The following AGBL1 variants were observed in gnomAD, a reference collection of about 807,000 sequenced individuals.
AGBL1 encodes the protein cytosolic carboxypeptidase 4.
In AGBL1, 130 loss-of-function variants were observed where a neutral mutation model predicts 118.9. That is an observed-to-expected ratio of 1.09 (90% CI 0.95 to 1.26). The LOEUF (loss-of-function observed/expected upper bound fraction) is 1.26. Among genes scored for constraint, AGBL1 ranks in the 50% most tolerant of loss-of-function variants. AGBL1 has a pLI of 0.00. For synonymous variants in AGBL1, 555 were observed against 478.9 expected (o/e 1.16, Z -2.08); for missense variants, 1,584 against 1,298.1 (o/e 1.22, Z -3.38).
intron 21 of AGBL1, among the ~76,000 whole-genome samples, chr15:86,570,657 G>C (rs962502898): frequency 6.6e-6 from 1 of 152,122 alleles, no homozygotes; most frequent in African/African-American, 2.4e-5. Flanking sequence ...GGATCTAGTC[G>C]GTCTTAGCGA....
At chr15:86,852,383 T>C (rs2079420112) in intron 22 of AGBL1, among the ~76,000 whole-genome samples, 1 of 152,152 alleles carries the variant, frequency 6.6e-6, no homozygotes, top group East Asian at 1.9e-4. Context: ...CTTCGACACA[T>C]GTGGATTACA....
intron 5 of AGBL1, among the ~76,000 whole-genome samples, chr15:86,161,113 G>C (rs753411667): frequency 5.3e-5 from 8 of 152,220 alleles, no homozygotes; most frequent in Non-Finnish European, 8.8e-5. Context: ...GGGAGTGAGA[G>C]TAGGGTGCTC....
chr15:86,723,849 C>A (rs1034380884), intron 22 of AGBL1, among the ~76,000 whole-genome samples: 1 of 151,902 alleles, frequency 6.6e-6, no homozygotes, highest in Non-Finnish European at 1.5e-5. Flanking sequence ...ATGCAGTGGG[C>A]GTGCTGGCAG....
chr15:86,261,340 A>G (rs1033580238), intron 9 of AGBL1, among the ~76,000 whole-genome samples: 2 of 152,132 alleles, frequency 1.3e-5, no homozygotes, highest in African/African-American at 4.8e-5. Flanking sequence ...GCAGGAATTG[A>G]TGGATGAAGC....
At chr15:86,814,102 T>TA (rs2078827863) in intron 22 of AGBL1, among the ~76,000 whole-genome samples, 1 of 152,130 alleles carries the variant, frequency 6.6e-6, no homozygotes, top group South Asian at 2.1e-4. Context: ...GTCCATGGCC[T>TA]ATTAGGAAGC....
At chr15:86,128,714 T>G (rs2076780375) in intron 1 of AGBL1, among the ~76,000 whole-genome samples, 1 of 152,238 alleles carries the variant, frequency 6.6e-6, no homozygotes. Flanking sequence ...TATCTCTTTT[T>G]CTTTGGCCAA....
intron 1 of AGBL1, among the ~76,000 whole-genome samples, chr15:86,091,825 C>A (rs1387251164): frequency 6.6e-6 from 1 of 152,116 alleles, no homozygotes. Flanking sequence ...GTACTGGACA[C>A]AATATTCTTC....
At chr15:86,973,613 G>C (rs2081133514) in intron 23 of AGBL1, among the ~76,000 whole-genome samples, 1 of 151,748 alleles carries the variant, frequency 6.6e-6, no homozygotes, top group African/African-American at 2.4e-5. Context: ...GCTAACTACT[G>C]TGAGAAGTAC....
intron 22 of AGBL1, among the ~76,000 whole-genome samples, chr15:86,802,310 G>T (rs1178273700): frequency 1.3e-5 from 2 of 150,932 alleles, no homozygotes; most frequent in South Asian, 2.1e-4. Flanking sequence ...TAATTGCATT[G>T]TAGTATTCTT....
intron 21 of AGBL1, among the ~76,000 whole-genome samples, chr15:86,569,223 G>A (rs556870145): frequency 6.6e-6 from 1 of 152,140 alleles, no homozygotes; most frequent in Admixed American, 6.5e-5. Context: ...CCTGAGTCCA[G>A]AAGTTTGAGA....
intron 10 of AGBL1, among the ~76,000 whole-genome samples, 197 bp from the exon 11 acceptor site, chr15:86,264,061 C>G (rs1201404432): frequency 6.6e-6 from 1 of 152,104 alleles, no homozygotes; most frequent in African/African-American, 2.4e-5. Flanking sequence ...ACCAAAAGCC[C>G]CTTCCAAACA....
chr15:86,545,558 C>T (rs2083568500), intron 19 of AGBL1, among the ~76,000 whole-genome samples: 1 of 152,108 alleles, frequency 6.6e-6, no homozygotes, highest in Non-Finnish European at 1.5e-5. Context: ...CTCCCACTCT[C>T]CACACTCTGA....
intron 18 of AGBL1, among the ~76,000 whole-genome samples, chr15:86,436,615 A>T (rs2082003192): frequency 6.6e-6 from 1 of 152,166 alleles, no homozygotes; most frequent in African/African-American, 2.4e-5. Context: ...AAGACCAGAG[A>T]CATGACCTTT....
chr15:86,788,585 TA>T (rs1477558740), intron 22 of AGBL1, among the ~76,000 whole-genome samples: 1 of 152,156 alleles, frequency 6.6e-6, no homozygotes, highest in East Asian at 1.9e-4. Context: ...CTGGAGCATA[TA>T]TTTTAAAGAT....
At chr15:86,882,055 C>A (rs560086061) in intron 22 of AGBL1, among the ~76,000 whole-genome samples, 1 of 152,266 alleles carries the variant, frequency 6.6e-6, no homozygotes, top group East Asian at 1.9e-4. Context: ...GTAAGAAGAT[C>A]TACTTGCATT....
intron 22 of AGBL1, among the ~76,000 whole-genome samples, chr15:86,786,763 A>G (rs1254093628): frequency 6.6e-6 from 1 of 152,174 alleles, no homozygotes; most frequent in Non-Finnish European, 1.5e-5. Context: ...CTACATGTAG[A>G]TCTAGCCCTT....
At position 86,972,509 on chromosome 15, in the gene AGBL1, TCTG is replaced by T. The variant is rs1229449608; in HGVS notation, c.3222-15477_3222-15475del. Among the ~76,000 whole-genome samples the T allele has an allele frequency of 1.1e-4, 16 of 152,186 alleles. No individual in the cohort carries two copies. In the East Asian group the frequency reaches 2.3e-3, roughly 22 times the overall value. On this transcript the variant is annotated intron_variant, in intron 23 of 24. Transcript: ENST00000441037. ...TACTGAAATTATTAAATTTATAACT[TCTG>T]ATTTGAAAATAAGAATCTTATCTAT...
intron 18 of AGBL1, among the ~76,000 whole-genome samples, chr15:86,462,970 G>C (rs1205242292): frequency 6.6e-6 from 1 of 152,060 alleles, no homozygotes; most frequent in Non-Finnish European, 1.5e-5. Flanking sequence ...GGGATTGCTG[G>C]GTCAAATGGT....
At position 86,547,404 on chromosome 15, in the gene AGBL1, C is replaced by G. The variant is rs941101800; in HGVS notation, c.2817+1271C>G. The stretch of plus-strand genomic sequence containing the variant: ...GGTAATAATATTAATAGATAATTCC[C>G]TATACACAGGAAAAGGTATAAGACA... On this transcript the variant is annotated intron_variant, in intron 20 of 22. Transcript: ENST00000614907. Among the ~76,000 whole-genome samples, 5 of 152,044 alleles carry G rather than the reference C, an allele frequency of 3.3e-5. No individual in the cohort carries two copies. The East Asian group carries it at 9.6e-4, about 29-fold the overall frequency.
Sources: allele counts gnomAD v4.1 joint callset (sites outside exome capture counted in the v4.1 genomes callset), GRCh38; gene constraint gnomAD v4.1.1; transcripts MANE v1.5; gene names NCBI Gene and HGNC (gene_info 2026-07-23, HGNC 2026-07-21).